Variants in CSMD1 observed in about 807,000 individuals in gnomAD.
CSMD1 encodes the protein CUB and sushi domain-containing protein 1.
In CSMD1, 213 loss-of-function variants were observed where a neutral mutation model predicts 417.5. The ratio of observed to expected loss-of-function variants is 0.51; its 90% CI spans 0.46 to 0.57. CSMD1 has a LOEUF of 0.57. Among genes scored for constraint, CSMD1 ranks in the 20% least tolerant of loss-of-function variants. The pLI is 0.00. For synonymous variants in CSMD1, 2,862 were observed against 1,736.8 expected (o/e 1.65, Z -16.11); for missense variants, 6,923 against 4,529.7 (o/e 1.53, Z -15.17).
At chr8:3,689,542 A>G (rs1382598051) in intron 7 of CSMD1, among the ~76,000 whole-genome samples, 1 of 152,138 alleles carries the variant, frequency 6.6e-6, no homozygotes, top group Non-Finnish European at 1.5e-5. Flanking sequence ...CGGAGGAGCC[A>G]TTTCCATTGA....
intron 23 of CSMD1, among the ~76,000 whole-genome samples, chr8:3,336,266 T>A (rs1029557022): frequency 2.4e-4 from 36 of 152,118 alleles, no homozygotes; most frequent in African/African-American, 8.2e-4. Flanking sequence ...CAACTTGGGG[T>A]ATTATGAGTG....
intron 3 of CSMD1, among the ~76,000 whole-genome samples, chr8:4,041,055 C>T (rs1376458042): frequency 1.6e-5 from 2 of 123,960 alleles, no homozygotes; most frequent in South Asian, 2.6e-4. Context: ...CTCGCTCTGT[C>T]GCCCAGGCTG....
intron 1 of CSMD1, among the ~76,000 whole-genome samples, chr8:4,990,716 G>A (rs909441112): frequency 6.6e-6 from 1 of 152,098 alleles, no homozygotes; most frequent in African/African-American, 2.4e-5. Flanking sequence ...CTTCTTCACA[G>A]GAGTGTCCTG....
chr8:4,178,295 T>A (rs547757750), intron 3 of CSMD1, among the ~76,000 whole-genome samples: 11 of 152,016 alleles, frequency 7.2e-5, no homozygotes, highest in African/African-American at 2.7e-4. Context: ...TCAATAAATG[T>A]AATCCAGCAT....
chr8:3,288,184 G>A (rs1216083297), intron 25 of CSMD1, among the ~76,000 whole-genome samples: 2 of 147,352 alleles, frequency 1.4e-5, no homozygotes, highest in East Asian at 2.0e-4. Context: ...GCTTTTTGAT[G>A]TATTGCTGGA....
chr8:3,923,314 G>A (rs193134813), intron 5 of CSMD1, among the ~76,000 whole-genome samples: 49 of 152,148 alleles, frequency 3.2e-4, no homozygotes, highest in Admixed American at 3.2e-3. Context: ...GGGAGTTTAT[G>A]TATGTATATA....
chr8:3,688,183 A>C (rs1563274091), intron 7 of CSMD1, among the ~76,000 whole-genome samples: 2 of 152,210 alleles, frequency 1.3e-5, no homozygotes, highest in African/African-American at 4.8e-5. Flanking sequence ...GCTGGGCATA[A>C]ATTGGACACA....
At chr8:3,838,077 G>C (rs543133954) in intron 5 of CSMD1, among the ~76,000 whole-genome samples, 49 of 152,064 alleles carry the variant, frequency 3.2e-4, no homozygotes, top group Non-Finnish European at 4.4e-4. Context: ...GTAGGGCTTT[G>C]GGAAAGCTGT....
chr8:3,825,569 T>C (rs562510738), intron 5 of CSMD1, among the ~76,000 whole-genome samples: 192 of 136,502 alleles, frequency 1.4e-3, no homozygotes, highest in Non-Finnish European at 2.3e-3. Context: ...AGGGTGGTGT[T>C]TGATTACCTA....
intron 2 of CSMD1, among the ~76,000 whole-genome samples, chr8:4,590,516 G>A (rs867032376): frequency 1.3e-4 from 19 of 151,888 alleles, no homozygotes; most frequent in Middle Eastern, 3.2e-3. Flanking sequence ...TATTTGAAGC[G>A]CTAGCATAAT....
chr8:3,984,696 G>T (rs1563284693), intron 5 of CSMD1, among the ~76,000 whole-genome samples: 1 of 119,912 alleles, frequency 8.3e-6, no homozygotes. Flanking sequence ...AGGATTCAGT[G>T]TATATATCAT....
intron 1 of CSMD1, among the ~76,000 whole-genome samples, chr8:4,975,504 C>CA (rs1231118885): frequency 6.6e-6 from 1 of 152,096 alleles, no homozygotes; most frequent in East Asian, 1.9e-4. Context: ...GGGCTGAAAG[C>CA]AAAAGGCCAA....
intron 33 of CSMD1, among the ~76,000 whole-genome samples, chr8:3,193,936 C>T (rs936416453): frequency 1.2e-4 from 18 of 152,274 alleles, no homozygotes; most frequent in Non-Finnish European, 1.5e-4. Context: ...GTGAAAACCA[C>T]AACAACAATC....
chr8:4,319,599 G>A (rs969632272), intron 3 of CSMD1, among the ~76,000 whole-genome samples: 9 of 152,144 alleles, frequency 5.9e-5, no homozygotes, highest in Admixed American at 4.6e-4. Flanking sequence ...ACAGAGTGGT[G>A]ATTCCTGAGA....
chr8:4,714,686 T>A lies in CSMD1; in HGVS notation c.86-77128A>T, dbSNP rs151172744. The stretch of plus-strand genomic sequence containing the variant: ...GTCTTTAATTTCATTTAAAAGAAGC[T>A]AGGCAGTTCAAATTTACTCGAGAAT... On this transcript the variant is annotated intron_variant, in intron 1 of 69. Transcript: ENST00000635120. Among the ~76,000 whole-genome samples, 662 of 152,258 alleles carry A rather than the reference T, an allele frequency of 4.3e-3. 4 individuals are homozygous for A. The highest frequency in any genetic ancestry group is 0.016 in the African/African-American group (644 of 41,546).
intron 3 of CSMD1, among the ~76,000 whole-genome samples, chr8:4,079,946 G>C (rs993529724): frequency 6.8e-6 from 1 of 147,732 alleles, no homozygotes; most frequent in African/African-American, 2.5e-5. Context: ...TCATGGAGTT[G>C]TAAAAATAAT....
intron 23 of CSMD1, among the ~76,000 whole-genome samples, chr8:3,318,531 G>C (rs978059236): frequency 3.9e-5 from 6 of 152,144 alleles, no homozygotes; most frequent in African/African-American, 1.2e-4. Context: ...CCTATTAAAA[G>C]GATGCCCATT....
chr8:4,473,222 T>C (rs769769363), intron 2 of CSMD1, among the ~76,000 whole-genome samples: 25 of 152,182 alleles, frequency 1.6e-4, no homozygotes, highest in Non-Finnish European at 1.5e-5. Context: ...ATTAAAAAGT[T>C]TTAAATTTTA....
intron 5 of CSMD1, among the ~76,000 whole-genome samples, chr8:3,763,355 C>T (rs1225005441): frequency 1.3e-5 from 2 of 152,068 alleles, no homozygotes; most frequent in South Asian, 2.1e-4. Context: ...GGGGGCAGAA[C>T]CCTCATGAAT....
Sources: allele counts gnomAD v4.1 joint callset (sites outside exome capture counted in the v4.1 genomes callset), GRCh38; gene constraint gnomAD v4.1.1; transcripts MANE v1.5; gene names NCBI Gene and HGNC (gene_info 2026-07-23, HGNC 2026-07-21).